The following URB1 variants were observed in gnomAD, a reference collection of about 807,000 sequenced individuals.
The protein encoded by URB1 is URB1 ribosome biogenesis factor, also known as nucleolar pre-ribosomal-associated protein 1.
Under a neutral mutation model 242.3 loss-of-function variants are expected in URB1, and 197 were observed. That is an observed-to-expected ratio of 0.81 (90% CI 0.72 to 0.91). URB1 has a LOEUF of 0.91. Among genes scored for constraint, URB1 ranks in the 40% least tolerant of loss-of-function variants. URB1 has a pLI of 0.00. For missense variants in URB1, 2,721 were observed against 2,860.5 expected (o/e 0.95, Z 1.11); for synonymous variants, 1,153 against 1,201.8 (o/e 0.96, Z 0.84).
intron 22 of URB1, among the ~76,000 whole-genome samples, chr21:32,346,014 T>C (rs1350872980): frequency 1.3e-5 from 2 of 152,136 alleles, no homozygotes; most frequent in Non-Finnish European, 2.9e-5. Flanking sequence ...TGGGAGGTGT[T>C]TGGGTCATGG....
intron 2 of URB1, 94 bp from the exon 3 acceptor site, chr21:32,384,558 G>A (rs1601159844): frequency 2.1e-6 from 3 of 1,450,586 alleles, no homozygotes; most frequent in Non-Finnish European, 2.8e-6. Context: ...GTTACTTGTA[G>A]GCTTAAAGCC....
At chr21:32,331,641 C>G (rs1029731023) in intron 30 of URB1, among the ~76,000 whole-genome samples, 3 of 152,318 alleles carry the variant, frequency 2.0e-5, no homozygotes, top group Non-Finnish European at 2.9e-5. Flanking sequence ...AAGGCCGGAA[C>G]AAAAGCCTGT....
At chr21:32,336,490 C>T (rs978160824) in intron 28 of URB1, among the ~76,000 whole-genome samples, 1 of 152,152 alleles carries the variant, frequency 6.6e-6, no homozygotes, top group African/African-American at 2.4e-5. Flanking sequence ...CTATCAATGG[C>T]ACATTTGATC....
Position 32,317,041 on chromosome 21 carries a change from G to A in URB1, c.6059C>T (p.Pro2020Leu), listed in dbSNP as rs1186336402. 1.9e-6 allele frequency: 3 copies of A among 1,544,356 alleles called. No homozygotes were observed. The Admixed American group carries it at 6.1e-5, about 31-fold the overall frequency. ...LMKMLKDKNKPVMPARAKGPR... is the reference protein window; with the variant it reads ...LMKMLKDKNKLVMPARAKGPR... Reference sequence around the variant, plus strand: ...GCCTTTGGCTCGGGCTGGCATGACAGGCTTGTTCTTATCCTTGAGCATTTC... The same window carrying A: ...GCCTTTGGCTCGGGCTGGCATGACAAGCTTGTTCTTATCCTTGAGCATTTC... The change falls in exon 38 of 39, where the codon CCT (proline) becomes CTT (leucine). Residue 2020 changes from proline (P) to leucine (L), a missense_variant. Coordinates refer to ENST00000382751, the MANE Select transcript of URB1 (RefSeq NM_014825.3).
rs747425388 is a variant in URB1 at position 32,344,750 on chromosome 21, G to T, written c.4077C>A (p.Ile1359=). ...GAGCTGCTGAAATGGAGTCGGCCAC[G>T]ATCCACCTGCAGCAGGAGATGAGAG... ...LHTPSSHKRW[I]VADSISAALE... is the part of the protein sequence containing the mutation. Residue 1359 remains isoleucine, a synonymous_variant, in exon 24 of 39, where the codon ATC becomes ATA. Transcript: ENST00000382751. The T allele has an allele frequency of 3.9e-6, 6 of 1,550,336 alleles. No homozygotes were observed. The African/African-American group carries it at 8.2e-5, about 21-fold the overall frequency.
At chr21:32,387,207 CCCA>C (rs1171063301) in intron 1 of URB1, among the ~76,000 whole-genome samples, 1 of 152,146 alleles carries the variant, frequency 6.6e-6, no homozygotes, top group Non-Finnish European at 1.5e-5. Flanking sequence ...AATCTGAACC[CCCA>C]CCACAACCCC....
intron 19 of URB1, 140 bp from the exon 20 acceptor site, chr21:32,351,062 G>A (rs945925836): frequency 3.2e-5 from 29 of 893,878 alleles, no homozygotes; most frequent in Non-Finnish European, 4.4e-5. Flanking sequence ...ATACGGGACC[G>A]TGTGGCATTT....
intron 9 of URB1, among the ~76,000 whole-genome samples, chr21:32,367,374 T>C (rs1190053889): frequency 1.3e-5 from 2 of 152,180 alleles, no homozygotes; most frequent in African/African-American, 2.4e-5. Flanking sequence ...CCCAGGACTG[T>C]CTGTACCAAA....
intron 1 of URB1, 82 bp downstream of exon 1, chr21:32,392,687 G>A (rs2033653023): frequency 7.4e-7 from 1 of 1,347,192 alleles, no homozygotes; most frequent in South Asian, 1.8e-5. Flanking sequence ...GAAAGCTGCA[G>A]AAAGGAGAGG....
At chr21:32,366,847 T>A (rs2033352693) in intron 9 of URB1, 92 bp from the exon 10 acceptor site, 1 of 1,376,678 alleles carries the variant, frequency 7.3e-7, no homozygotes, top group Admixed American at 2.3e-5. Context: ...AGCCATTCAA[T>A]CAAATAATTA....
At chr21:32,321,291 A>G (rs549315666) in intron 34 of URB1, among the ~76,000 whole-genome samples, 2 of 152,342 alleles carry the variant, frequency 1.3e-5, no homozygotes, top group African/African-American at 4.8e-5. Context: ...TAGAAGGTAC[A>G]CACACCAGCT....
intron 25 of URB1, among the ~76,000 whole-genome samples, chr21:32,341,232 C>A (rs2033025250): frequency 6.6e-6 from 1 of 152,188 alleles, no homozygotes; most frequent in African/African-American, 2.4e-5. Flanking sequence ...TTATTCTCTG[C>A]ACATTTCTGT....
intron 8 of URB1, among the ~76,000 whole-genome samples, chr21:32,369,007 T>C (rs1033250330): frequency 9.2e-5 from 14 of 152,144 alleles, no homozygotes; most frequent in African/African-American, 3.4e-4. Context: ...AAATTTCATT[T>C]TGAGATTTTA....
rs145056636 is a variant in URB1, at chr21:32,354,772, A to G, written c.2245+87T>C. 1,496 of 1,472,644 alleles carry G rather than the reference A, an allele frequency of 1.0e-3. 2 individuals are homozygous for G. The highest frequency in any genetic ancestry group is 1.3e-3 in the Non-Finnish European group (1,381 of 1,102,092). The allele number at this position is 1,472,644 out of a possible 1,614,324, so 91.2% of individuals were successfully genotyped here. On this transcript the variant is annotated intron_variant, in intron 17 of 38. Transcript: ENST00000382751. Reference sequence around the variant, plus strand: ...CTGTGTGCACTTGGCCTAGGGCATTAGTGCAGTTCTTGTTCTCAATCTCTT... The same window carrying G: ...CTGTGTGCACTTGGCCTAGGGCATTGGTGCAGTTCTTGTTCTCAATCTCTT...
At chr21:32,350,992 A>G in intron 19 of URB1, 70 bp from the exon 20 acceptor site, 1 of 1,434,456 alleles carries the variant, frequency 7.0e-7, no homozygotes, top group South Asian at 1.3e-5. Context: ...TCATAGGCAC[A>G]GGTAACACAC....
Position 32,325,344 on chromosome 21 carries a change from C to T in URB1, c.5006G>A (p.Gly1669Asp). 20 of 1,551,588 alleles carry T rather than the reference C, an allele frequency of 1.3e-5. No individual in the cohort carries two copies. Among genetic ancestry groups the T allele is most frequent in the Non-Finnish European group, 1.7e-5 (20 of 1,146,922 alleles). ...GCTGCTGAGGGCTGTGACAGTTAGGCCCAGAGCATTTGAATCCAAAAATTT... is the reference window on the plus strand; with the variant it reads ...GCTGCTGAGGGCTGTGACAGTTAGGTCCAGAGCATTTGAATCCAAAAATTT... ...CRKFLDSNAL[G>D]LTVTALSSYD... The change falls in exon 31 of 39, where the codon GGC (glycine) becomes GAC (aspartate). Residue 1669 changes from glycine to aspartate, a missense_variant. Physicochemically the swap from Gly to Asp is moderately conservative, Grantham distance 94 (BLOSUM62 -1). Coordinates refer to ENST00000382751, the MANE Select transcript of URB1 (RefSeq NM_014825.3).
intron 1 of URB1, among the ~76,000 whole-genome samples, chr21:32,392,367 T>C (rs2033649119): frequency 6.6e-6 from 1 of 152,192 alleles, no homozygotes; most frequent in African/African-American, 2.4e-5. Flanking sequence ...ATGGAAGCTA[T>C]TGAAAACGGT....
chr21:32,337,950 C>T (rs773639552), intron 26 of URB1, among the ~76,000 whole-genome samples: 4 of 152,196 alleles, frequency 2.6e-5, no homozygotes, highest in Non-Finnish European at 5.9e-5. Context: ...TCAATCCAGG[C>T]ATGTTTTCCC....
intron 36 of URB1, among the ~76,000 whole-genome samples, chr21:32,318,535 A>G (rs566616988): frequency 9.5e-4 from 145 of 152,250 alleles, no homozygotes; most frequent in Non-Finnish European, 1.9e-3. Flanking sequence ...TTTGAACAAT[A>G]CAAAACAAAA....
Sources: gnomAD v4.1 joint callset for allele counts (sites outside exome capture counted in the v4.1 genomes callset) on GRCh38, gnomAD v4.1.1 for gene constraint, MANE v1.5 for transcripts, NCBI Gene and HGNC (gene_info 2026-07-23, HGNC 2026-07-21) for gene names.